The following PTPN9 variants were observed in gnomAD, a reference collection of about 807,000 sequenced individuals.
PTPN9 encodes protein tyrosine phosphatase non-receptor type 9.
PTPN9 carries 26 observed loss-of-function variants against 69.8 expected under a neutral mutation model. The ratio of observed to expected loss-of-function variants is 0.37; its 90% CI spans 0.27 to 0.52. The LOEUF is 0.52. PTPN9 is among the 20% of genes least tolerant of loss of function. PTPN9 has a pLI of 0.91. For synonymous variants in PTPN9, 274 were observed against 272.5 expected, an observed-to-expected ratio of 1.01 and a Z score of -0.05; for missense variants, 549 against 740.3, an observed-to-expected ratio of 0.74 and a Z score of 3.00.
In PTPN9 at chr15:75,466,943, T is replaced by C. The variant is rs895348461; in HGVS notation, c.*1826A>G. On this transcript the variant is annotated 3_prime_UTR_variant, in exon 13 of 13. Coordinates refer to ENST00000618819, the MANE Select transcript of PTPN9 (RefSeq NM_002833.4). ...CACATCTCAAGCACTGAACTGGTGCTGGTCCCTCTGTCCAGAGATAGGGCC... is the reference window on the plus strand; with the variant it reads ...CACATCTCAAGCACTGAACTGGTGCCGGTCCCTCTGTCCAGAGATAGGGCC... 2 of 152,220 alleles carry C rather than the reference T, an allele frequency of 1.3e-5. No individual in the cohort carries two copies. The highest frequency in any genetic ancestry group is 1.5e-5 in the Non-Finnish European group (1 of 68,060). The allele number at this position is 152,220 out of a possible 1,614,324, so 9.4% of individuals were successfully genotyped here. A position where few individuals can be genotyped will look rare whatever the true frequency, so the allele number is the denominator to read the frequency against.
intron 7 of PTPN9, among the ~76,000 whole-genome samples, chr15:75,504,357 C>T (rs2074800773): frequency 8.1e-6 from 1 of 123,232 alleles, no homozygotes; most frequent in Non-Finnish European, 1.7e-5. Context: ...TCTGCCGGGC[C>T]AGCCACCCCG....
intron 10 of PTPN9, among the ~76,000 whole-genome samples, chr15:75,473,396 C>T (rs776300392): frequency 6.6e-6 from 1 of 152,004 alleles, no homozygotes; most frequent in Non-Finnish European, 1.5e-5. Flanking sequence ...ATTACAGGCA[C>T]GCACCACAAT....
At chr15:75,523,673 C>T (rs1338588072) in intron 3 of PTPN9, among the ~76,000 whole-genome samples, 2 of 152,048 alleles carry the variant, frequency 1.3e-5, no homozygotes, top group African/African-American at 4.8e-5. Context: ...GGAGAGCTTG[C>T]GTTAAATATG....
intron 1 of PTPN9, among the ~76,000 whole-genome samples, chr15:75,538,081 A>AACAC (rs938929237): frequency 6.6e-6 from 1 of 151,674 alleles, no homozygotes; most frequent in African/African-American, 2.4e-5. Flanking sequence ...AACAAAACAA[A>AACAC]ACACACACAC....
At chr15:75,509,179 GTTA>G in intron 5 of PTPN9, 152 bp from the exon 6 acceptor site, 1 of 598,582 alleles carries the variant, frequency 1.7e-6, no homozygotes, top group Non-Finnish European at 3.0e-6. Context: ...AGGAAAAGTG[GTTA>G]AACAAACTGA....
In PTPN9 at chr15:75,468,844, C is replaced by T. The variant is rs1431571921; in HGVS notation, c.1707G>A (p.Lys569=). 5.6e-6 allele frequency: 9 copies of T among 1,614,002 alleles called. No homozygotes were observed. The African/African-American group carries it at 9.3e-5, about 17-fold the overall frequency. The change falls in exon 13 of 13, where the codon AAG becomes AAA. Residue 569 remains lysine, a synonymous_variant. Transcript: ENST00000618819. ...CCTTCTCTGCGAACTCCAGGATGGC[C>T]TTGTAGCAAAAATAGTACTGCTCAG... ...QTPEQYYFCY[K]AILEFAEKEG... is the part of the protein sequence containing the mutation.
At chr15:75,491,259 C>T (rs1180921510) in intron 7 of PTPN9, among the ~76,000 whole-genome samples, 1 of 151,808 alleles carries the variant, frequency 6.6e-6, no homozygotes, top group African/African-American at 2.4e-5. Flanking sequence ...AAAAATTAGC[C>T]AGGTGTGATG....
chr15:75,479,799 T>C (rs771489858), intron 9 of PTPN9, 49 bp downstream of exon 9: 3 of 1,456,436 alleles, frequency 2.1e-6, no homozygotes, highest in Non-Finnish European at 2.8e-6. Flanking sequence ...GCACAAGGAA[T>C]CATAAGTAGA....
chr15:75,528,235 A>C (rs1490586961), intron 1 of PTPN9, among the ~76,000 whole-genome samples: 1 of 151,882 alleles, frequency 6.6e-6, no homozygotes, highest in African/African-American at 2.4e-5. Context: ...GGCTGGCAAG[A>C]TGCCTGCTTC....
At chr15:75,573,793 G>A (rs2075159581) in intron 1 of PTPN9, among the ~76,000 whole-genome samples, 1 of 152,252 alleles carries the variant, frequency 6.6e-6, no homozygotes, top group South Asian at 2.1e-4. Context: ...TTGCAGTCAT[G>A]TAATCACACA....
At chr15:75,527,992 A>G (rs971300436) in intron 1 of PTPN9, among the ~76,000 whole-genome samples, 3 of 152,244 alleles carry the variant, frequency 2.0e-5, no homozygotes, top group Non-Finnish European at 4.4e-5. Context: ...TGGACACAGC[A>G]AAAGAATCAG....
chr15:75,556,183 C>T (rs1446070050), intron 1 of PTPN9, among the ~76,000 whole-genome samples: 1 of 151,474 alleles, frequency 6.6e-6, no homozygotes, highest in Non-Finnish European at 1.5e-5. Flanking sequence ...TCTGCCTCAG[C>T]CTCCCGAGTA....
intron 1 of PTPN9, among the ~76,000 whole-genome samples, chr15:75,551,716 C>T (rs2075057309): frequency 6.6e-6 from 1 of 151,992 alleles, no homozygotes; most frequent in Non-Finnish European, 1.5e-5. Context: ...ATAGACAGTC[C>T]CCAATTTATG....
intron 5 of PTPN9, chr15:75,513,472 A>C (rs2074853335): frequency 2.2e-6 from 1 of 450,980 alleles, no homozygotes; most frequent in Admixed American, 2.4e-5. Context: ...CAGATTGAGA[A>C]TCAGTCTTTT....
At chr15:75,562,725 G>A (rs1441447959) in intron 1 of PTPN9, among the ~76,000 whole-genome samples, 5 of 147,490 alleles carry the variant, frequency 3.4e-5, no homozygotes, top group South Asian at 4.3e-4. Context: ...CCAGCTACTC[G>A]GGAGGCTGAG....
At chr15:75,535,783 T>G (rs1446618137) in intron 1 of PTPN9, among the ~76,000 whole-genome samples, 1 of 152,192 alleles carries the variant, frequency 6.6e-6, no homozygotes, top group Admixed American at 6.6e-5. Flanking sequence ...TCTATTGATC[T>G]CTTCAGCCCA....
chr15:75,521,518 G>A (rs2074905210), intron 4 of PTPN9, among the ~76,000 whole-genome samples: 2 of 151,726 alleles, frequency 1.3e-5, no homozygotes, highest in Non-Finnish European at 1.5e-5. Flanking sequence ...AAAACACCAA[G>A]AAGTTTAAAA....
At chr15:75,504,669 G>T (rs1288618663) in intron 7 of PTPN9, among the ~76,000 whole-genome samples, 22 of 143,558 alleles carry the variant, frequency 1.5e-4, no homozygotes, top group Non-Finnish European at 2.3e-4. Context: ...CCGGCCAGCC[G>T]CCCTGTCCGG....
chr15:75,491,280 G>A (rs1456342938), intron 7 of PTPN9, among the ~76,000 whole-genome samples: 1 of 151,914 alleles, frequency 6.6e-6, no homozygotes, highest in Non-Finnish European at 1.5e-5. Context: ...GCACACACCT[G>A]TAATCCCAGC....
Sources: gnomAD v4.1 joint callset for allele counts (sites outside exome capture counted in the v4.1 genomes callset) on GRCh38, gnomAD v4.1.1 for gene constraint, MANE v1.5 for transcripts, NCBI Gene and HGNC (gene_info 2026-07-23, HGNC 2026-07-21) for gene names.